CDCP1: variants seen among roughly 807,000 people sequenced by gnomAD.
The protein encoded by CDCP1 is CUB domain containing protein 1.
A neutral mutation model predicts 60.2 loss-of-function variants in CDCP1; 29 were observed. The ratio of observed to expected loss-of-function variants is 0.48; its 90% CI spans 0.36 to 0.66. The LOEUF (loss-of-function observed/expected upper bound fraction) is 0.66. CDCP1 is among the 30% of genes least tolerant of loss of function. The pLI is 0.00. For synonymous variants in CDCP1, 387 were observed against 431.1 expected (o/e 0.90, Z 1.27); for missense variants, 876 against 1,074.3 (o/e 0.82, Z 2.58).
intron 2 of CDCP1, among the ~76,000 whole-genome samples, chr3:45,117,957 C>T (rs1003064095): frequency 4.6e-5 from 7 of 152,280 alleles, no homozygotes; most frequent in Admixed American, 2.6e-4. Context: ...CCACCACGCC[C>T]GGCCTCTCCT....
chr3:45,141,020 G>A (rs961865087), intron 1 of CDCP1, among the ~76,000 whole-genome samples: 2 of 152,156 alleles, frequency 1.3e-5, no homozygotes, highest in Non-Finnish European at 2.9e-5. Context: ...GGCCAACATG[G>A]TGAAACCCCA....
rs1395632513 is a variant in CDCP1 at position 45,110,156 on chromosome 3, C to A, written c.1024+317G>T. The A allele has an allele frequency of 4.3e-6, 5 of 1,153,660 alleles. No individual in the cohort carries two copies. In the African/African-American group the frequency reaches 6.3e-5, roughly 15 times the overall value. 71.5% of individuals were successfully genotyped at this position (1,153,660 alleles called of 1,614,324 possible). ...TCATCATCGCTGATGGTGCGGGTGA[C>A]ATCCTCATTCACATTGCAGGGTCAA... On this transcript the variant is annotated intron_variant, in intron 4 of 8. Coordinates refer to ENST00000296129, the MANE Select transcript of CDCP1 (RefSeq NM_022842.5).
chr3:45,106,958 C>T (rs1434936990), intron 4 of CDCP1, among the ~76,000 whole-genome samples: 1 of 152,188 alleles, frequency 6.6e-6, no homozygotes, highest in African/African-American at 2.4e-5. Flanking sequence ...GCACATAGAG[C>T]TCTTCCAGTG....
intron 3 of CDCP1, 112 bp downstream of exon 3, chr3:45,111,971 G>T: frequency 7.4e-7 from 1 of 1,350,616 alleles, no homozygotes; most frequent in Non-Finnish European, 1.0e-6. Context: ...CTTCCTTTAT[G>T]GTTTTTATAT....
In CDCP1 at chr3:45,139,132, C is replaced by G. The variant is rs932696178; in HGVS notation, c.82+7074G>C. Among the ~76,000 whole-genome samples, 19 of 152,060 alleles carry G rather than the reference C, an allele frequency of 1.2e-4. 1 individual carries two copies. The highest frequency in any genetic ancestry group is 1.6e-4 in the Non-Finnish European group (11 of 68,030). ...ACTCCTGAGGGATCCACCCCATGAC[C>G]CAACACTTCCCATTAGGCCCCACCT... On this transcript the variant is annotated intron_variant, in intron 1 of 8. Coordinates refer to ENST00000296129, the MANE Select transcript of CDCP1 (RefSeq NM_022842.5).
chr3:45,108,836 TATATATGCATGTATACATATATATGCATG>T (rs1698628120), intron 4 of CDCP1, among the ~76,000 whole-genome samples: 1 of 70,384 alleles, frequency 1.4e-5, no homozygotes, highest in African/African-American at 5.2e-5. Flanking sequence ...CATGTATATA[TATATATGCATGTATACATATATATGCATG>T]TATATATATA....
At chr3:45,122,510 G>GGA (rs2126002082) in intron 1 of CDCP1, among the ~76,000 whole-genome samples, 1 of 151,936 alleles carries the variant, frequency 6.6e-6, no homozygotes, top group East Asian at 1.9e-4. Context: ...TGCCCAGGCC[G>GGA]GAGTGCAATG....
At chr3:45,117,501 A>G (rs931128571) in intron 2 of CDCP1, among the ~76,000 whole-genome samples, 6 of 152,076 alleles carry the variant, frequency 3.9e-5, no homozygotes, top group Non-Finnish European at 7.4e-5. Flanking sequence ...GTAGCCCTGG[A>G]GCTTGAAGCC....
intron 5 of CDCP1, among the ~76,000 whole-genome samples, chr3:45,094,974 G>A (rs909240704): frequency 4.9e-5 from 7 of 141,818 alleles, no homozygotes; most frequent in Non-Finnish European, 1.1e-4. Context: ...TTACTCTGTT[G>A]CCCAGGCTAG....
In CDCP1 at chr3:45,085,501, G is replaced by A; in HGVS notation, c.*137C>T. 1.2e-6 allele frequency: 1 copy of A among 824,978 alleles called. No homozygotes were observed. The highest frequency in any genetic ancestry group is 2.0e-6 in the Non-Finnish European group (1 of 510,416). The allele number at this position is 824,978 out of a possible 1,614,324, so 51.1% of individuals were successfully genotyped here. A position where few individuals can be genotyped will look rare whatever the true frequency, so the allele number is the denominator to read the frequency against. On this transcript the variant is annotated 3_prime_UTR_variant, in exon 9 of 9. Coordinates refer to ENST00000296129, the MANE Select transcript of CDCP1 (RefSeq NM_022842.5). This position sits in a 1 kb window ranked among gnomAD's most constrained non-coding sequence, Gnocchi z 4.2. ...GAATGAGTCCACTGAGCAATGTGAAGTTGGCGGTGTCCAGGAAAACCTCCT... is the reference window on the plus strand; with the variant it reads ...GAATGAGTCCACTGAGCAATGTGAAATTGGCGGTGTCCAGGAAAACCTCCT...
At chr3:45,119,458 C>T (rs1034762850) in intron 1 of CDCP1, among the ~76,000 whole-genome samples, 12 of 152,188 alleles carry the variant, frequency 7.9e-5, no homozygotes, top group African/African-American at 1.9e-4. Flanking sequence ...TATGAGTCTC[C>T]GGGCAGCTGA....
rs182294582 is a variant in CDCP1 at position 45,099,487 on chromosome 3, A to G, written c.1025-3919T>C. 1.1e-3 allele frequency among the ~76,000 whole-genome samples: 174 copies of G among 152,018 alleles called. 2 individuals are homozygous for G. Among genetic ancestry groups the G allele is most frequent in the African/African-American group, 4.1e-3 (172 of 41,456 alleles). The stretch of plus-strand genomic sequence containing the variant: ...CAATACTGTGCCTTGGTGTGGGTCT[A>G]TTTATATCCATTGTGTGTGGTGGCC... On this transcript the variant is annotated intron_variant, in intron 4 of 8. Transcript: ENST00000296129.
At position 45,091,380 on chromosome 3, in the gene CDCP1, C is replaced by A. The variant is rs35353149; in HGVS notation, c.1786G>T (p.Gly596Cys). 6.2e-7 allele frequency: 1 copy of A among 1,614,134 alleles called. No homozygotes were observed. The highest frequency in any genetic ancestry group is 1.1e-5 in the South Asian group (1 of 91,080). Residue 596 changes from glycine (G) to cysteine (C), a missense_variant, in exon 7 of 9, where the codon GGC becomes TGC. Coordinates refer to ENST00000296129, the MANE Select transcript of CDCP1 (RefSeq NM_022842.5). The surrounding 1 kb of genome is among the most constrained non-coding windows in gnomAD (Gnocchi z 4.8). ...GCGCGCCCTGTCTGGCAGACCACGCCGCTCCGCTCCTTAAAGAAAGTCAGG... is the reference window on the plus strand; with the variant it reads ...GCGCGCCCTGTCTGGCAGACCACGCAGCTCCGCTCCTTAAAGAAAGTCAGG... ...ACLTFFKERS[G>C]VVCQTGRAFM...
chr3:45,099,578 C>T (rs948118106), intron 4 of CDCP1, among the ~76,000 whole-genome samples: 1 of 151,726 alleles, frequency 6.6e-6, no homozygotes, highest in African/African-American at 2.4e-5. Flanking sequence ...TGTGATGATT[C>T]CCTTCCCTCT....
intron 1 of CDCP1, among the ~76,000 whole-genome samples, chr3:45,139,835 G>A (rs1485783799): frequency 6.6e-6 from 1 of 152,198 alleles, no homozygotes. Flanking sequence ...ACTGTGGCTG[G>A]TGGCCACTCT....
intron 1 of CDCP1, among the ~76,000 whole-genome samples, chr3:45,121,218 A>G (rs1698877923): frequency 6.6e-6 from 1 of 152,174 alleles, no homozygotes; most frequent in Non-Finnish European, 1.5e-5. Flanking sequence ...CTTGAGAGAG[A>G]ATATATTCTC....
At chr3:45,114,295 T>C (rs1022857827) in intron 2 of CDCP1, among the ~76,000 whole-genome samples, 1 of 152,202 alleles carries the variant, frequency 6.6e-6, no homozygotes, top group Admixed American at 6.5e-5. Flanking sequence ...CTGTACTCTG[T>C]CCAGTGAAAA....
chr3:45,141,681 G>T (rs58936716), intron 1 of CDCP1, among the ~76,000 whole-genome samples: 19,962 of 152,204 alleles, frequency 0.13, 1,406 homozygotes, highest in African/African-American at 0.15. Flanking sequence ...GGCTACAAAG[G>T]GGCGAGGGAA....
Position 45,118,427 on chromosome 3 carries a change from T to G in CDCP1, c.277A>C (p.Ile93Leu). 6.2e-7 allele frequency: 1 copy of G among 1,613,658 alleles called. No homozygotes were observed. The highest frequency in any genetic ancestry group is 1.1e-5 in the South Asian group (1 of 91,064). The change falls in exon 2 of 9, where the codon ATC (isoleucine) becomes CTC (leucine). Residue 93 changes from isoleucine to leucine, a missense_variant. Physicochemically the swap from Ile to Leu is conservative, Grantham distance 5. This residue lies in a region of CDCP1 where 150 missense variants were observed against 138.6 expected (regional missense o/e 1.08). Transcript: ENST00000296129. ...QSPENHFVIE[I>L]QKNIDCMSGP... is the part of the protein sequence containing the mutation. ...GTCTACTTACCAATATTTTTCTGGA[T>G]CTCTATGACAAAGTGATTCTCAGGA...
Sources: allele counts gnomAD v4.1 joint callset (sites outside exome capture counted in the v4.1 genomes callset), GRCh38; gene constraint gnomAD v4.1.1; regional missense constraint gnomAD v4.1.1; non-coding constraint Gnocchi (gnomAD v3.1); transcripts MANE v1.5; gene names NCBI Gene and HGNC (gene_info 2026-07-23, HGNC 2026-07-21).